The following SEMA3D variants were observed in gnomAD, a reference collection of about 807,000 sequenced individuals.
SEMA3D encodes the protein semaphorin 3D.
In SEMA3D, 84 loss-of-function variants were observed where a neutral mutation model predicts 100.1. The observed-to-expected ratio is 0.84, with a 90% CI of 0.70 to 1.01. SEMA3D has a LOEUF of 1.01. Among genes scored for constraint, SEMA3D ranks in the 50% least tolerant of loss-of-function variants. SEMA3D has a pLI of 0.00. For synonymous variants in SEMA3D, 312 were observed against 320.7 expected (o/e 0.97, Z 0.29); for missense variants, 875 against 934.1 (o/e 0.94, Z 0.82).
intron 2 of SEMA3D, among the ~76,000 whole-genome samples, chr7:85,148,061 T>A (rs1288832067): frequency 6.6e-6 from 1 of 152,140 alleles, no homozygotes; most frequent in African/African-American, 2.4e-5. Context: ...GAGATCACAA[T>A]GACAATCTAT....
At chr7:85,249,285 G>C in the SEMA3D span, among the ~76,000 whole-genome samples, 1 of 152,012 alleles carries the variant, frequency 6.6e-6, no homozygotes, top group Admixed American at 6.6e-5. Flanking sequence ...TATCTTCACA[G>C]CAATCAAGGT....
At position 85,171,976 on chromosome 7, in the gene SEMA3D, TG is replaced by T. The variant is rs1791095707; in HGVS notation, c.-173+14701del. ...GTGTGTGTGGGTGTGTGTGTGGGTG[TG>T]TGTGTGTATATGTTTATAATATATA... On this transcript the variant is annotated intron_variant, in intron 1 of 18. Coordinates refer to ENST00000284136, the MANE Select transcript of SEMA3D (RefSeq NM_001384900.1). Among the ~76,000 whole-genome samples, 5 of 151,588 alleles carry T rather than the reference TG, an allele frequency of 3.3e-5. No homozygotes were observed. In the Admixed American group the frequency reaches 3.3e-4, roughly 10 times the overall value.
chr7:85,168,820 T>TAGAAAGAAA (rs759667781), intron 1 of SEMA3D, among the ~76,000 whole-genome samples: 2 of 121,070 alleles, frequency 1.7e-5, no homozygotes, highest in African/African-American at 3.0e-5. Flanking sequence ...GAAAGAAAGA[T>TAGAAAGAAA]GAAAGAAAGA....
chr7:85,247,875 A>G, the SEMA3D span, among the ~76,000 whole-genome samples: 1 of 152,164 alleles, frequency 6.6e-6, no homozygotes, highest in Non-Finnish European at 1.5e-5. Flanking sequence ...CACAGACCTT[A>G]CCATGCAAAT....
At chr7:85,143,346 G>T in intron 2 of SEMA3D, 1 of 308,362 alleles carries the variant, frequency 3.2e-6, no homozygotes, top group Non-Finnish European at 4.7e-6. Flanking sequence ...TGATAAATTT[G>T]TCATTAGGTG....
chr7:85,087,772 T>A (rs1237965780), intron 4 of SEMA3D, among the ~76,000 whole-genome samples: 1 of 152,206 alleles, frequency 6.6e-6, no homozygotes, highest in Non-Finnish European at 1.5e-5. Flanking sequence ...TATTTCACAA[T>A]TGATTATTTC....
chr7:85,138,941 T>G (rs1789960530), intron 2 of SEMA3D, among the ~76,000 whole-genome samples: 1 of 152,092 alleles, frequency 6.6e-6, no homozygotes, highest in African/African-American at 2.4e-5. Flanking sequence ...GGCTTTCTAT[T>G]GGACGTTCAC....
intron 1 of SEMA3D, among the ~76,000 whole-genome samples, chr7:85,162,819 C>G (rs963918303): frequency 1.2e-4 from 18 of 152,130 alleles, no homozygotes; most frequent in Non-Finnish European, 2.9e-5. Context: ...ATCTGCAGAA[C>G]AGAAGGTTCC....
At chr7:85,143,071 T>C in intron 2 of SEMA3D, 1 of 927,010 alleles carries the variant, frequency 1.1e-6, no homozygotes, top group Non-Finnish European at 1.3e-6. Context: ...TAAGACAAAC[T>C]TACAATTAGT....
chr7:85,241,128 T>C, the SEMA3D span, among the ~76,000 whole-genome samples: 1 of 151,804 alleles, frequency 6.6e-6, no homozygotes, highest in Non-Finnish European at 1.5e-5. Context: ...ACCACCTTAC[T>C]CCTGCAAGAA....
chr7:85,022,149 T>C (rs1051052711), intron 13 of SEMA3D, among the ~76,000 whole-genome samples: 2 of 151,864 alleles, frequency 1.3e-5, no homozygotes, highest in Non-Finnish European at 2.9e-5. Context: ...CAAATATGTA[T>C]TGAGCATGTA....
rs1276578901 is a variant in SEMA3D, at chr7:85,139,343, T to G, written c.-41+14265A>C. Among the ~76,000 whole-genome samples, 4 of 152,260 alleles carry G rather than the reference T, an allele frequency of 2.6e-5. No homozygotes were observed. In the East Asian group the frequency reaches 7.7e-4, roughly 29 times the overall value. On this transcript the variant is annotated intron_variant, in intron 2 of 18. Transcript: ENST00000284136. ...AAAGTAAGATCTGAGCACTGATTAT[T>G]AGATTTAAACAGTACTAAAGAGTTA...
chr7:85,110,345 G>C (rs1279627938), intron 3 of SEMA3D, among the ~76,000 whole-genome samples: 2 of 151,880 alleles, frequency 1.3e-5, no homozygotes, highest in Non-Finnish European at 2.9e-5. Context: ...TACTAAAAAA[G>C]AGTGGGCTTA....
At chr7:85,215,388 T>C in the SEMA3D span, among the ~76,000 whole-genome samples, 1 of 152,184 alleles carries the variant, frequency 6.6e-6, no homozygotes, top group Admixed American at 6.6e-5. Flanking sequence ...TCTCTTAGTA[T>C]GACAGAGCTA....
intron 8 of SEMA3D, among the ~76,000 whole-genome samples, chr7:85,059,488 T>C (rs1463542311): frequency 6.6e-6 from 1 of 152,184 alleles, no homozygotes; most frequent in Non-Finnish European, 1.5e-5. Context: ...ATAATTAATG[T>C]AGAACTTACA....
chr7:85,063,783 A>G (rs1043239594), intron 8 of SEMA3D, among the ~76,000 whole-genome samples: 1 of 152,188 alleles, frequency 6.6e-6, no homozygotes, highest in African/African-American at 2.4e-5. Context: ...TTGATTAAAA[A>G]GTAAGCCATC....
the SEMA3D span, among the ~76,000 whole-genome samples, chr7:85,233,792 T>C: frequency 6.6e-6 from 1 of 152,162 alleles, no homozygotes; most frequent in Admixed American, 6.5e-5. Flanking sequence ...TACAAAACAA[T>C]ATGCCAAACT....
chr7:85,099,880 G>A (rs1293014755), intron 3 of SEMA3D, among the ~76,000 whole-genome samples: 1 of 151,952 alleles, frequency 6.6e-6, no homozygotes, highest in East Asian at 1.9e-4. Flanking sequence ...TAGGTTGTTA[G>A]TTTTCTTATC....
At chr7:85,186,268 C>T (rs1203485035) in intron 1 of SEMA3D, among the ~76,000 whole-genome samples, 1 of 152,148 alleles carries the variant, frequency 6.6e-6, no homozygotes, top group East Asian at 1.9e-4. Flanking sequence ...CTGCGGAAGC[C>T]GGGGACACAT....
Sources: allele counts gnomAD v4.1 joint callset (sites outside exome capture counted in the v4.1 genomes callset), GRCh38; gene constraint gnomAD v4.1.1; transcripts MANE v1.5; gene names NCBI Gene and HGNC (gene_info 2026-07-23, HGNC 2026-07-21).